SPSB1: variants seen among roughly 807,000 people sequenced by gnomAD.
The protein encoded by SPSB1 is SPRY domain-containing SOCS box protein 1.
In SPSB1, 8 loss-of-function variants were observed where a neutral mutation model predicts 21.2. That is an observed-to-expected ratio of 0.38 (90% confidence interval 0.22 to 0.68). SPSB1 has a LOEUF of 0.68. Among genes scored for constraint, SPSB1 ranks in the 30% least tolerant of loss-of-function variants. The probability of loss-of-function intolerance (pLI) is 0.53; values close to 1 mark genes in which losing one functional copy is unlikely to be tolerated. For missense variants in SPSB1, 242 were observed against 377.8 expected, an observed-to-expected ratio of 0.64 and a Z score of 2.98; for synonymous variants, 169 against 161.7, an observed-to-expected ratio of 1.05 and a Z score of -0.34.
chr1:9,358,777 C>T (rs1346835029), intron 2 of SPSB1, among the ~76,000 whole-genome samples: 1 of 152,164 alleles, frequency 6.6e-6, no homozygotes, highest in African/African-American at 2.4e-5. Flanking sequence ...CTGATGCTGT[C>T]ATGAGCTCTG....
chr1:9,354,338 GC>G (rs1178375042), intron 1 of SPSB1, among the ~76,000 whole-genome samples: 1 of 152,044 alleles, frequency 6.6e-6, no homozygotes, highest in Non-Finnish European at 1.5e-5. Context: ...CCGCCCAGGC[GC>G]CCCCACAGGC....
intron 1 of SPSB1, among the ~76,000 whole-genome samples, chr1:9,334,305 C>T (rs894622057): frequency 3.9e-5 from 6 of 152,066 alleles, no homozygotes; most frequent in East Asian, 3.9e-4. Context: ...AGGCTGCTCT[C>T]GAACTCTTGA....
In SPSB1 at chr1:9,361,156, C is replaced by CCTTTT. The variant is rs1553128958; in HGVS notation, c.694+4571_694+4572insCTTTT. Among the ~76,000 whole-genome samples, 27 of 102,578 alleles carry CCTTTT rather than the reference C, an allele frequency of 2.6e-4. 8 individuals are homozygous for CCTTTT. Among genetic ancestry groups the CCTTTT allele is most frequent in the Non-Finnish European group, 3.6e-4 (19 of 52,644 alleles). 67.3% of individuals were successfully genotyped at this position (102,578 alleles called of 152,430 possible). On this transcript the variant is annotated intron_variant, in intron 2 of 2. Coordinates refer to ENST00000328089, the MANE Select transcript of SPSB1 (RefSeq NM_025106.4). ...CAGGCATGGCTGGATCTGTCATTTT[C>CCTTTT]TTTTTTTTTTTTTTTTTTTTTTTTT...
rs115501445 is a variant in SPSB1 at position 9,311,981 on chromosome 1, G to A, written c.-150+18910G>A. ...ATACAGGAGACCTCATGCAGATGAC[G>A]TTTTTGTCTTGGTGTAACCGTTGGC... On this transcript the variant is annotated intron_variant, in intron 1 of 2. Transcript: ENST00000328089. Among the ~76,000 whole-genome samples, 9 of 152,026 alleles carry A rather than the reference G, an allele frequency of 5.9e-5. No homozygotes were observed. In the South Asian group the frequency reaches 1.2e-3, roughly 21 times the overall value.
intron 1 of SPSB1, among the ~76,000 whole-genome samples, chr1:9,330,934 T>A (rs1006626264): frequency 7.2e-6 from 1 of 139,580 alleles, no homozygotes; most frequent in South Asian, 2.4e-4. Flanking sequence ...ATTTTCTGCG[T>A]CTTTTTTTTT....
chr1:9,315,108 C>T (rs1639587900), intron 1 of SPSB1, among the ~76,000 whole-genome samples: 1 of 152,238 alleles, frequency 6.6e-6, no homozygotes, highest in Admixed American at 6.5e-5. Context: ...AATCTCCCCT[C>T]TCTGTAGAGG....
rs556443099 is a variant in SPSB1 at position 9,326,830 on chromosome 1, T to G, written c.-149-28913T>G. Among the ~76,000 whole-genome samples, 266 of 152,344 alleles carry G rather than the reference T, an allele frequency of 1.7e-3. 3 individuals are homozygous for G. The highest frequency in any genetic ancestry group is 6.2e-3 in the African/African-American group (258 of 41,584). On this transcript the variant is annotated intron_variant, in intron 1 of 2. Coordinates refer to ENST00000328089, the MANE Select transcript of SPSB1 (RefSeq NM_025106.4). Reference sequence around the variant, plus strand: ...TGTTGGTTTAATCGGAAAGGCTTATTGCCTCTGAGTCAAAACACAAAAATC... The same window carrying G: ...TGTTGGTTTAATCGGAAAGGCTTATGGCCTCTGAGTCAAAACACAAAAATC...
chr1:9,335,578 G>A (rs1309550161), intron 1 of SPSB1, among the ~76,000 whole-genome samples: 1 of 152,082 alleles, frequency 6.6e-6, no homozygotes, highest in Non-Finnish European at 1.5e-5. Flanking sequence ...GGATTCCAAG[G>A]TGGGAGGGTT....
rs988390363 is a variant in SPSB1, at chr1:9,345,362, C to T, written c.-149-10381C>T. Among the ~76,000 whole-genome samples the T allele has an allele frequency of 6.6e-6, 1 of 152,108 alleles. No individual in the cohort carries two copies. The highest frequency in any genetic ancestry group is 1.5e-5 in the Non-Finnish European group (1 of 68,014). ...CCTTTCTGCTTCCACTCTTTGGGGG[C>T]GCCCCACCTCCTGTGTGAACCAGAT... On this transcript the variant is annotated intron_variant, in intron 1 of 2. Coordinates refer to ENST00000328089, the MANE Select transcript of SPSB1 (RefSeq NM_025106.4). The surrounding 1 kb of genome is among the most constrained non-coding windows in gnomAD (Gnocchi z 4.8).
At position 9,365,103 on chromosome 1, in the gene SPSB1, G is replaced by A. The variant is rs549514808; in HGVS notation, c.695-2345G>A. Reference sequence around the variant, plus strand: ...AACTCCTGCCCTCAGGTAATGCGCCGGCCTCGGCCTCCCGAAGTGCTGGGA... The same window carrying A: ...AACTCCTGCCCTCAGGTAATGCGCCAGCCTCGGCCTCCCGAAGTGCTGGGA... On this transcript the variant is annotated intron_variant, in intron 2 of 2. Coordinates refer to ENST00000328089, the MANE Select transcript of SPSB1 (RefSeq NM_025106.4). Among the ~76,000 whole-genome samples the A allele has an allele frequency of 3.5e-4, 53 of 152,226 alleles. No individual in the cohort carries two copies. In the East Asian group the frequency reaches 8.1e-3, roughly 23 times the overall value.
intron 2 of SPSB1, among the ~76,000 whole-genome samples, chr1:9,357,088 G>GGTGGATGGATGGATGGATGGATGA (rs1640376931): frequency 6.9e-6 from 1 of 144,242 alleles, no homozygotes; most frequent in Non-Finnish European, 1.5e-5. Flanking sequence ...TGGATGGGTG[G>GGTGGATGGATGGATGGATGGATGA]GTGGATGGAT....
At chr1:9,323,670 C>T (rs576730791) in intron 1 of SPSB1, among the ~76,000 whole-genome samples, 13 of 152,316 alleles carry the variant, frequency 8.5e-5, no homozygotes, top group East Asian at 1.9e-4. Flanking sequence ...GCTGCCCGCG[C>T]GTCTCCAGGC....
chr1:9,333,416 C>T (rs947200704), intron 1 of SPSB1, among the ~76,000 whole-genome samples: 7 of 149,472 alleles, frequency 4.7e-5, no homozygotes, highest in African/African-American at 7.4e-5. Context: ...CTGCAACCTC[C>T]GCCTCCCAGG....
chr1:9,355,276 G>T (rs1640343626), intron 1 of SPSB1, among the ~76,000 whole-genome samples: 1 of 152,228 alleles, frequency 6.6e-6, no homozygotes, highest in South Asian at 2.1e-4. Context: ...AGCTGGGATT[G>T]GCATCCTCAG....
intron 1 of SPSB1, among the ~76,000 whole-genome samples, chr1:9,341,581 C>A (rs1640090839): frequency 6.6e-6 from 1 of 152,250 alleles, no homozygotes. Context: ...TGGGTCACTT[C>A]TGCCGGTGAC....
rs1182215097 is a variant in SPSB1 at position 9,292,927 on chromosome 1, C to T, written c.-294C>T. On this transcript the variant is annotated 5_prime_UTR_variant, in exon 1 of 3. Coordinates refer to ENST00000328089, the MANE Select transcript of SPSB1 (RefSeq NM_025106.4). ...GTCGCGCTCGGGCAGCCTGCGCGCT[C>T]GCAGCAGGAACCAGGCTCCAGGCGC... 5.0e-5 allele frequency: 48 copies of T among 967,138 alleles called. No individual in the cohort carries two copies. In the African/African-American group the frequency reaches 7.2e-4, roughly 14 times the overall value. 59.9% of individuals were successfully genotyped at this position (967,138 alleles called of 1,614,324 possible).
chr1:9,353,938 CT>C (rs1458184189), intron 1 of SPSB1, among the ~76,000 whole-genome samples: 1 of 151,954 alleles, frequency 6.6e-6, no homozygotes, highest in Admixed American at 6.6e-5. Flanking sequence ...AAAAGGAACC[CT>C]GTGTCTCACA....
rs1056421046 is a variant in SPSB1, at chr1:9,369,282, A to G, written c.*1707A>G. The G allele has an allele frequency of 1.3e-5, 2 of 151,830 alleles. No homozygotes were observed. Among genetic ancestry groups the G allele is most frequent in the East Asian group, 1.9e-4 (1 of 5,138 alleles). 9.4% of individuals were successfully genotyped at this position (151,830 alleles called of 1,614,324 possible). On this transcript the variant is annotated 3_prime_UTR_variant, in exon 3 of 3. Coordinates refer to ENST00000328089, the MANE Select transcript of SPSB1 (RefSeq NM_025106.4). Reference sequence around the variant, plus strand: ...CTCCCTCCTGTTTCAGGTGGGTCACATTCTGATGAATGTTTCCCTTGTACA... The same window carrying G: ...CTCCCTCCTGTTTCAGGTGGGTCACGTTCTGATGAATGTTTCCCTTGTACA...
chr1:9,356,076 C>T lies in SPSB1; in HGVS notation c.185C>T (p.Ser62Leu), dbSNP rs1039339952. 6.2e-7 allele frequency: 1 copy of T among 1,611,740 alleles called. No homozygotes were observed. The highest frequency in any genetic ancestry group is 8.5e-7 in the Non-Finnish European group (1 of 1,178,286). ...CATTCATGGAACAACAACGACCGATCGCTCAATGTCTTTGTGAAGGAGGAC... is the reference window on the plus strand; with the variant it reads ...CATTCATGGAACAACAACGACCGATTGCTCAATGTCTTTGTGAAGGAGGAC... ...LLHSWNNNDR[S>L]LNVFVKEDDK... Residue 62 changes from serine (S) to leucine (L), a missense_variant, in exon 2 of 3, where the codon TCG (serine) becomes TTG (leucine). Transcript: ENST00000328089. The surrounding 1 kb of genome is among the most constrained non-coding windows in gnomAD (Gnocchi z 7.4).
Sources: allele counts gnomAD v4.1 joint callset (sites outside exome capture counted in the v4.1 genomes callset), GRCh38; gene constraint gnomAD v4.1.1; non-coding constraint Gnocchi (gnomAD v3.1); transcripts MANE v1.5; gene names NCBI Gene and HGNC (gene_info 2026-07-23, HGNC 2026-07-21).